Variants in NGEF observed in about 807,000 individuals in gnomAD.
The protein encoded by NGEF is neuronal guanine nucleotide exchange factor.
A neutral mutation model predicts 80.9 loss-of-function variants in NGEF; 31 were observed. The ratio of observed to expected loss-of-function variants is 0.38; its 90% CI spans 0.29 to 0.52. The LOEUF (loss-of-function observed/expected upper bound fraction) is 0.52. Ranked by LOEUF, NGEF falls within the 20% of genes least tolerant of loss-of-function variation. The pLI is 0.84. For synonymous variants in NGEF, 371 were observed against 370.2 expected, an observed-to-expected ratio of 1.00 and a Z score of -0.03; for missense variants, 709 against 926.2, an observed-to-expected ratio of 0.77 and a Z score of 3.04.
In NGEF at chr2:232,892,957, A is replaced by G; in HGVS notation, c.1083T>C (p.Ser361=). The G allele has an allele frequency of 6.2e-7, 1 of 1,613,642 alleles. No homozygotes were observed. Among genetic ancestry groups the G allele is most frequent in the East Asian group, 2.2e-5 (1 of 44,882 alleles). ...GATTGCTGACGTAGGTGATGTAGACAGAGAAGTGGTCGGCCGCATAACGGT... is the reference window on the plus strand; with the variant it reads ...GATTGCTGACGTAGGTGATGTAGACGGAGAAGTGGTCGGCCGCATAACGGT... The part of the protein sequence containing the change: ...IVYRYAADHF[S]VYITYVSNQT... The change falls in exon 7 of 15, where the codon TCT becomes TCC. Residue 361 remains serine, a synonymous_variant. Transcript: ENST00000264051. This position sits in a 1 kb window ranked among gnomAD's most constrained non-coding sequence, Gnocchi z 4.0.
At chr2:233,009,333 A>C (rs1355100371) in intron 1 of NGEF, among the ~76,000 whole-genome samples, 3 of 151,944 alleles carry the variant, frequency 2.0e-5, no homozygotes, top group African/African-American at 7.3e-5. Context: ...ACTTCTATCC[A>C]TGTTGCTGCC....
rs11404293 is a variant in NGEF at position 232,954,729 on chromosome 2, G to GAA, written c.383+15483_383+15484dup. 1.8e-3 allele frequency among the ~76,000 whole-genome samples: 238 copies of GAA among 135,052 alleles called. 2 individuals carry two copies. The highest frequency in any genetic ancestry group is 3.8e-3 in the Middle Eastern group (1 of 264). 88.6% of individuals were successfully genotyped at this position (135,052 alleles called of 152,430 possible). ...GATAGAGCGAGACTCCGTCTCAAAA[G>GAA]AAAAAAAAAAAAAAGAGAGGAGCTC... On this transcript the variant is annotated intron_variant, in intron 3 of 14. Transcript: ENST00000264051.
chr2:233,002,367 T>C (rs1297713655), intron 1 of NGEF, among the ~76,000 whole-genome samples: 1 of 152,136 alleles, frequency 6.6e-6, no homozygotes. Context: ...AGACAGGCAG[T>C]ACATGGACAT....
At chr2:232,924,161 C>T (rs993402207) in intron 4 of NGEF, among the ~76,000 whole-genome samples, 1 of 152,224 alleles carries the variant, frequency 6.6e-6, no homozygotes, top group African/African-American at 2.4e-5. Flanking sequence ...CACTTGAACC[C>T]GGGAGGAGGA....
chr2:232,986,697 G>A (rs756885405), intron 1 of NGEF, among the ~76,000 whole-genome samples: 10 of 152,176 alleles, frequency 6.6e-5, no homozygotes, highest in Non-Finnish European at 1.3e-4. Flanking sequence ...GTTTGCCAAG[G>A]GCTGGGGGTC....
intron 5 of NGEF, among the ~76,000 whole-genome samples, chr2:232,911,001 C>A (rs1692681146): frequency 6.6e-6 from 1 of 152,174 alleles, no homozygotes. Flanking sequence ...AAACTCTGAT[C>A]AAGACCAACT....
At chr2:232,885,060 C>T (rs1362557115) in intron 10 of NGEF, 10 of 564,642 alleles carry the variant, frequency 1.8e-5, no homozygotes, top group Admixed American at 3.2e-5. Flanking sequence ...CCCGCACTCC[C>T]GTCTCCCAGG....
rs1391338606 is a variant in NGEF at position 232,911,787 on chromosome 2, A to G, written c.828+8497T>C. Among the ~76,000 whole-genome samples, 9 of 152,086 alleles carry G rather than the reference A, an allele frequency of 5.9e-5. 1 individual carries two copies. Among genetic ancestry groups the G allele is most frequent in the Admixed American group, 5.9e-4 (9 of 15,266 alleles). On this transcript the variant is annotated intron_variant, in intron 5 of 14. Coordinates refer to ENST00000264051, the MANE Select transcript of NGEF (RefSeq NM_019850.3). ...AGCTATTGTAAATGGTATAATTTTA[A>G]TTTGTTTCTAATTGTTCATTGCTAG...
At chr2:232,888,546 T>TGCAC (rs139641130) in intron 8 of NGEF, among the ~76,000 whole-genome samples, 3 of 151,150 alleles carry the variant, frequency 2.0e-5, no homozygotes, top group Non-Finnish European at 3.0e-5. Flanking sequence ...TGCATGCACA[T>TGCAC]ACATGCATAC....
intron 8 of NGEF, among the ~76,000 whole-genome samples, chr2:232,888,893 A>G (rs1470017868): frequency 6.6e-6 from 1 of 152,196 alleles, no homozygotes; most frequent in African/African-American, 2.4e-5. Flanking sequence ...CGATTTTGAC[A>G]TTGCTCTATA....
At position 232,928,053 on chromosome 2, in the gene NGEF, C is replaced by T. The variant is rs922808614; in HGVS notation, c.384-867G>A. 5.4e-5 allele frequency: 63 copies of T among 1,168,038 alleles called. No individual in the cohort carries two copies. In the African/African-American group the frequency reaches 9.6e-4, roughly 18 times the overall value. 72.4% of individuals were successfully genotyped at this position (1,168,038 alleles called of 1,614,324 possible). A position where few individuals can be genotyped will look rare whatever the true frequency, so the allele number is the denominator to read the frequency against. On this transcript the variant is annotated intron_variant, in intron 3 of 14. Coordinates refer to ENST00000264051, the MANE Select transcript of NGEF (RefSeq NM_019850.3). ...CCGGGTCGGGGGCCACGCCGGGGCC[C>T]TGGGCTGGGTCGGGGGCGACTAGCG...
intron 1 of NGEF, among the ~76,000 whole-genome samples, chr2:233,000,828 G>C (rs996787777): frequency 6.6e-6 from 1 of 151,854 alleles, no homozygotes; most frequent in African/African-American, 2.4e-5. Context: ...ATCATCACAC[G>C]GGGGGTTAGG....
intron 1 of NGEF, among the ~76,000 whole-genome samples, chr2:232,990,889 A>G: frequency 6.6e-6 from 1 of 152,150 alleles, no homozygotes; most frequent in Admixed American, 6.5e-5. Flanking sequence ...TACTATGACC[A>G]AGTAGAATTT....
chr2:233,002,332 A>C (rs985425571), intron 1 of NGEF, among the ~76,000 whole-genome samples: 6 of 152,250 alleles, frequency 3.9e-5, no homozygotes, highest in African/African-American at 1.4e-4. Flanking sequence ...TTTAATTTAA[A>C]GGCAATCTGT....
chr2:232,957,294 T>C (rs1319532687), intron 3 of NGEF, among the ~76,000 whole-genome samples: 2 of 152,056 alleles, frequency 1.3e-5, no homozygotes, highest in African/African-American at 4.8e-5. Context: ...GAGCCTGTTG[T>C]TGCTGTTATT....
intron 1 of NGEF, among the ~76,000 whole-genome samples, chr2:233,001,709 A>G (rs1694982119): frequency 6.6e-6 from 1 of 152,150 alleles, no homozygotes; most frequent in Non-Finnish European, 1.5e-5. Context: ...CGAAACCCCA[A>G]CTCTATTAAA....
At chr2:233,003,557 T>G (rs1318598570) in intron 1 of NGEF, among the ~76,000 whole-genome samples, 1 of 152,178 alleles carries the variant, frequency 6.6e-6, no homozygotes, top group Non-Finnish European at 1.5e-5. Context: ...GTTCCTGGGC[T>G]GGCCTGAGAA....
chr2:232,881,375 T>C (rs1691500885), intron 13 of NGEF, 125 bp from the exon 14 acceptor site: 19 of 690,988 alleles, frequency 2.7e-5, no homozygotes, highest in South Asian at 2.7e-4. Context: ...GAAGGGCTCG[T>C]CTGAGGAAGA....
intron 3 of NGEF, among the ~76,000 whole-genome samples, chr2:232,943,275 G>C (rs1196148935): frequency 6.6e-6 from 1 of 151,982 alleles, no homozygotes; most frequent in African/African-American, 2.4e-5. Flanking sequence ...GTCACCAGCT[G>C]AGTTTTCTGT....
Sources: gnomAD v4.1 joint callset for allele counts (sites outside exome capture counted in the v4.1 genomes callset) on GRCh38, gnomAD v4.1.1 for gene constraint, Gnocchi (gnomAD v3.1) non-coding constraint, MANE v1.5 for transcripts, NCBI Gene and HGNC (gene_info 2026-07-23, HGNC 2026-07-21) for gene names.